Variants in ITCH observed in about 807,000 individuals in gnomAD.
The protein encoded by ITCH is itchy E3 ubiquitin protein ligase.
Under a neutral mutation model 126.8 loss-of-function variants are expected in ITCH, and 28 were observed. The ratio of observed to expected loss-of-function variants is 0.22; its 90% CI spans 0.16 to 0.30. ITCH has a LOEUF of 0.30. Ranked by LOEUF, ITCH falls within the 10% of genes least tolerant of loss-of-function variation. The pLI is 1.00. For synonymous variants in ITCH, 342 were observed against 340.0 expected (o/e 1.01, Z -0.06); for missense variants, 631 against 1,032.4 (o/e 0.61, Z 5.33).
At chr20:34,373,363 T>C (rs1281293737) in intron 2 of ITCH, among the ~76,000 whole-genome samples, 2 of 151,296 alleles carry the variant, frequency 1.3e-5, no homozygotes, top group African/African-American at 4.9e-5. Context: ...GCAACCTCCG[T>C]TTCCTGGGTT....
At chr20:34,380,859 C>G (rs887162284) in intron 2 of ITCH, among the ~76,000 whole-genome samples, 1 of 152,034 alleles carries the variant, frequency 6.6e-6, no homozygotes, top group African/African-American at 2.4e-5. Flanking sequence ...ACAATCGTGG[C>G]TCACTGTAAT....
In ITCH at chr20:34,423,666, C is replaced by T. The variant is rs114072742; in HGVS notation, c.476-814C>T. ...TTGCCCAGACTGGAGTGCAATGGCG[C>T]GATCTTGGCTCACTGAAATTTCTGC... On this transcript the variant is annotated intron_variant, in intron 6 of 24. Transcript: ENST00000374864. 5.3e-5 allele frequency among the ~76,000 whole-genome samples: 8 copies of T among 152,034 alleles called. No individual in the cohort carries two copies. The East Asian group carries it at 9.6e-4, about 18-fold the overall frequency.
At chr20:34,364,523 A>T (rs966233293) in intron 1 of ITCH, among the ~76,000 whole-genome samples, 6 of 151,938 alleles carry the variant, frequency 3.9e-5, no homozygotes, top group African/African-American at 1.5e-4. Flanking sequence ...CTCATGGCAG[A>T]TCTGCTGAGA....
chr20:34,485,822 G>A (rs1355909992), intron 20 of ITCH, among the ~76,000 whole-genome samples: 1 of 152,126 alleles, frequency 6.6e-6, no homozygotes, highest in African/African-American at 2.4e-5. Context: ...AGCTGGGACT[G>A]TAGGCACAAG....
intron 2 of ITCH, among the ~76,000 whole-genome samples, chr20:34,379,882 C>G (rs2037988565): frequency 7.0e-6 from 1 of 143,468 alleles, no homozygotes; most frequent in Admixed American, 7.3e-5. Flanking sequence ...CAGGCGTGAA[C>G]CACTGCACCC....
intron 12 of ITCH, among the ~76,000 whole-genome samples, chr20:34,455,129 C>A (rs1016258458): frequency 2.0e-5 from 3 of 152,108 alleles, no homozygotes; most frequent in Non-Finnish European, 4.4e-5. Flanking sequence ...CAGCGCAGGA[C>A]CAATAGTTAA....
intron 2 of ITCH, among the ~76,000 whole-genome samples, chr20:34,374,766 T>G (rs1162464809): frequency 2.7e-5 from 4 of 150,854 alleles, no homozygotes; most frequent in Non-Finnish European, 5.9e-5. Flanking sequence ...AGAGTTTCAC[T>G]TTTGTTGCCC....
chr20:34,439,296 G>C (rs1241592820), intron 8 of ITCH, among the ~76,000 whole-genome samples: 1 of 151,646 alleles, frequency 6.6e-6, no homozygotes, highest in Admixed American at 6.6e-5. Flanking sequence ...TATTTTTTGA[G>C]ACAGGGTCTC....
chr20:34,459,513 A>C (rs1986318507), intron 13 of ITCH, among the ~76,000 whole-genome samples: 1 of 152,230 alleles, frequency 6.6e-6, no homozygotes, highest in Non-Finnish European at 1.5e-5. Context: ...AGGCAAACAA[A>C]GATATTCCCA....
chr20:34,415,827 A>T (rs1159087457), intron 6 of ITCH, among the ~76,000 whole-genome samples: 1 of 152,202 alleles, frequency 6.6e-6, no homozygotes, highest in African/African-American at 2.4e-5. Context: ...TTACTAATGT[A>T]AAATATTTAA....
At chr20:34,437,681 G>T (rs1448575666) in intron 7 of ITCH, among the ~76,000 whole-genome samples, 1 of 152,170 alleles carries the variant, frequency 6.6e-6, no homozygotes, top group Non-Finnish European at 1.5e-5. Flanking sequence ...GGTTAGTACT[G>T]TGTAGTGGTT....
intron 2 of ITCH, among the ~76,000 whole-genome samples, chr20:34,373,057 C>G (rs938260965): frequency 6.6e-6 from 1 of 151,562 alleles, no homozygotes; most frequent in Non-Finnish European, 1.5e-5. Flanking sequence ...TTACTGCAGC[C>G]TCCACCCACT....
chr20:34,477,677 C>G (rs2146456495), intron 16 of ITCH, 95 bp from the exon 17 acceptor site: 2 of 1,094,502 alleles, frequency 1.8e-6, no homozygotes, highest in Non-Finnish European at 2.8e-6. Context: ...TGGGAGATTT[C>G]AGTTACCTAT....
rs1568961618 is a variant in ITCH at position 34,456,157 on chromosome 20, A to ATT, written c.1211-1232_1211-1231dup. ...CCTTATTTTATATATATTTTTATAT[A>ATT]TTGTGTGTGTGTGTGTGTGTGTGTG... On this transcript the variant is annotated intron_variant, in intron 12 of 24. Coordinates refer to ENST00000374864, the MANE Select transcript of ITCH (RefSeq NM_031483.7). Among the ~76,000 whole-genome samples the ATT allele has an allele frequency of 7.2e-5, 6 of 83,844 alleles. 1 individual carries two copies. Among genetic ancestry groups the ATT allele is most frequent in the African/African-American group, 2.4e-4 (6 of 24,828 alleles). 55.0% of individuals were successfully genotyped at this position (83,844 alleles called of 152,430 possible).
intron 23 of ITCH, among the ~76,000 whole-genome samples, chr20:34,495,459 C>T (rs1275662715): frequency 6.6e-6 from 1 of 151,854 alleles, no homozygotes; most frequent in East Asian, 1.9e-4. Flanking sequence ...TTCCTGCCAC[C>T]CTTCTGTAGT....
chr20:34,446,145 T>C (rs979953150), intron 11 of ITCH, among the ~76,000 whole-genome samples: 12 of 152,216 alleles, frequency 7.9e-5, no homozygotes, highest in African/African-American at 2.9e-4. Flanking sequence ...TACAGTATCA[T>C]TGATCTTTTG....
chr20:34,506,748 C>T (rs1990642446), intron 24 of ITCH, among the ~76,000 whole-genome samples: 1 of 152,204 alleles, frequency 6.6e-6, no homozygotes, highest in Admixed American at 6.5e-5. Context: ...TCCCTTTCCC[C>T]AGGTCCTGGC....
intron 2 of ITCH, among the ~76,000 whole-genome samples, chr20:34,373,560 G>A (rs2037722672): frequency 6.6e-6 from 1 of 152,072 alleles, no homozygotes; most frequent in Non-Finnish European, 1.5e-5. Flanking sequence ...ATAGGCATTC[G>A]GCCTAACATA....
chr20:34,482,790 G>A (rs957175847), intron 20 of ITCH, among the ~76,000 whole-genome samples: 2 of 152,172 alleles, frequency 1.3e-5, no homozygotes, highest in African/African-American at 4.8e-5. Flanking sequence ...GACTCTGTAT[G>A]GGCCTCCAAC....
Sources: allele counts gnomAD v4.1 joint callset (sites outside exome capture counted in the v4.1 genomes callset), GRCh38; gene constraint gnomAD v4.1.1; transcripts MANE v1.5; gene names NCBI Gene and HGNC (gene_info 2026-07-23, HGNC 2026-07-21).